The following MID1 variants were observed in gnomAD, a reference collection of about 807,000 sequenced individuals.
The protein encoded by MID1 is midline 1, also known as E3 ubiquitin-protein ligase Midline-1.
A neutral mutation model predicts 40.4 loss-of-function variants in MID1; 7 were observed. The ratio of observed to expected loss-of-function variants is 0.17; its 90% CI spans 0.10 to 0.33. MID1 has a LOEUF of 0.33. Ranked by LOEUF, MID1 falls within the 10% of genes least tolerant of loss-of-function variation. The pLI, the probability that MID1 is intolerant of heterozygous loss-of-function variation, is 1.00. For synonymous variants in MID1, 229 were observed against 221.2 expected (o/e 1.04, Z -0.31); for missense variants, 367 against 558.5 (o/e 0.66, Z 3.46).
intron 1 of MID1, among the ~76,000 whole-genome samples, chrX:10,669,230 T>TAAAAAAAAAA (rs761817483): frequency 2.1e-5 from 1 of 47,019 alleles, no homozygotes; most frequent in South Asian, 1.4e-3. Context: ...CGTCTCAAAA[T>TAAAAAAAAAA]AAAAAAAAAA....
chrX:10,823,619 T>C (rs1478116754), intron 1 of MID1, among the ~76,000 whole-genome samples: 1 of 111,144 alleles, frequency 9.0e-6, no homozygotes, highest in Non-Finnish European at 1.9e-5. Context: ...GTTGCATGTG[T>C]GTGTGTATGT....
At chrX:10,707,564 A>G (rs974452789) in intron 1 of MID1, among the ~76,000 whole-genome samples, 5 of 112,499 alleles carry the variant, frequency 4.4e-5, no homozygotes, top group African/African-American at 1.6e-4. Context: ...GATTGATAAA[A>G]TCAGAAATAT....
chrX:10,745,716 A>C (rs1392060342), intron 1 of MID1, among the ~76,000 whole-genome samples: 4 of 112,557 alleles, frequency 3.6e-5, no homozygotes, highest in African/African-American at 1.3e-4. Flanking sequence ...GTGTGTTTAC[A>C]GCACTTTTGG....
At chrX:10,613,732 T>TAG (rs1163813461) in intron 1 of MID1, among the ~76,000 whole-genome samples, 425 of 17,442 alleles carry the variant, frequency 0.024, 16 homozygotes, top group Middle Eastern at 0.067. Context: ...TATATATATA[T>TAG]AGAGAGAGAG....
intron 1 of MID1, among the ~76,000 whole-genome samples, chrX:10,773,780 T>C (rs1172973636): frequency 8.9e-6 from 1 of 112,129 alleles, no homozygotes; most frequent in African/African-American, 3.2e-5. Flanking sequence ...AGAGTCAAGT[T>C]GATATAGGCC....
chrX:10,462,492 A>G (rs143843372), intron 7 of MID1, among the ~76,000 whole-genome samples: 252 of 111,772 alleles, frequency 2.3e-3, no homozygotes, highest in Non-Finnish European at 4.3e-3. Flanking sequence ...AAACACCCAC[A>G]CAACCATCCT....
At chrX:10,712,185 T>A (rs1343177711) in intron 1 of MID1, among the ~76,000 whole-genome samples, 1 of 111,145 alleles carries the variant, frequency 9.0e-6, no homozygotes, top group Admixed American at 9.6e-5. Flanking sequence ...CAGGTGACCA[T>A]CAGGTGATGG....
chrX:10,516,589 T>C (rs1229303553), intron 3 of MID1, among the ~76,000 whole-genome samples: 1 of 86,170 alleles, frequency 1.2e-5, no homozygotes, highest in Non-Finnish European at 2.1e-5. Flanking sequence ...TGTGTGTGTG[T>C]GTGTGTGTGT....
chrX:10,786,299 A>G (rs2043882976), intron 1 of MID1, among the ~76,000 whole-genome samples: 1 of 110,729 alleles, frequency 9.0e-6, no homozygotes, highest in Non-Finnish European at 1.9e-5. Context: ...AATGGCAATC[A>G]TTAAAAAGTC....
At chrX:10,621,908 G>A (rs912375533), upstream of MID1, among the ~76,000 whole-genome samples, 3 of 104,022 alleles carry the variant, frequency 2.9e-5, no homozygotes, top group East Asian at 3.0e-4. Context: ...CCTGTGCACT[G>A]TAAGATGTGT....
At chrX:10,784,649 T>C (rs1463067304) in intron 1 of MID1, among the ~76,000 whole-genome samples, 1 of 109,491 alleles carries the variant, frequency 9.1e-6, no homozygotes, top group African/African-American at 3.3e-5. Flanking sequence ...TTTCACCATA[T>C]TGACCAGGCT....
chrX:10,725,921 C>G (rs1027516745), intron 1 of MID1, among the ~76,000 whole-genome samples: 10 of 112,078 alleles, frequency 8.9e-5, no homozygotes, highest in African/African-American at 3.2e-4. Flanking sequence ...AGACAATAAA[C>G]TTGGCTGAGT....
intron 8 of MID1, among the ~76,000 whole-genome samples, chrX:10,456,007 A>T (rs1307388659): frequency 8.9e-6 from 1 of 112,527 alleles, no homozygotes; most frequent in Non-Finnish European, 1.9e-5. Flanking sequence ...GTTTAAAGGC[A>T]GGAAATGCAT....
At chrX:10,464,723 G>C (rs1398019116) in intron 7 of MID1, among the ~76,000 whole-genome samples, 1 of 111,930 alleles carries the variant, frequency 8.9e-6, no homozygotes, top group Non-Finnish European at 1.9e-5. Flanking sequence ...AAGATCAGCA[G>C]GGCTTCCTAG....
intron 4 of MID1, among the ~76,000 whole-genome samples, chrX:10,488,508 G>A (rs938022543): frequency 9.8e-5 from 11 of 111,956 alleles, no homozygotes; most frequent in African/African-American, 3.3e-4. Context: ...TAGTAGGTAG[G>A]AAGCAGTATC....
intron 1 of MID1, among the ~76,000 whole-genome samples, chrX:10,774,805 C>G (rs1157940193): frequency 9.0e-6 from 1 of 111,330 alleles, no homozygotes; most frequent in Non-Finnish European, 1.9e-5. Flanking sequence ...TAGTCAAAGT[C>G]TTTCGTCAAA....
chrX:10,605,195 T>C lies in MID1; in HGVS notation c.-57+15095A>G, dbSNP rs2428596. Among the ~76,000 whole-genome samples, 952 of 112,399 alleles carry C rather than the reference T, an allele frequency of 8.5e-3. 5 individuals are homozygous for C. Among genetic ancestry groups the C allele is most frequent in the South Asian group, 0.031 (84 of 2,720 alleles). ...AGAATAACATGGCTTCTTTAAAATA[T>C]AGTTTGTCAGGCAATTTTGGAAATT... On this transcript the variant is annotated intron_variant, in intron 1 of 9. Transcript: ENST00000317552.
At chrX:10,516,751 G>T (rs1932467247) in intron 3 of MID1, among the ~76,000 whole-genome samples, 1 of 110,776 alleles carries the variant, frequency 9.0e-6, no homozygotes, top group African/African-American at 3.3e-5. Flanking sequence ...TTGTTACTGG[G>T]ATTACAGGCG....
At chrX:10,598,490 G>T (rs1446273702) in intron 1 of MID1, among the ~76,000 whole-genome samples, 2 of 112,097 alleles carry the variant, frequency 1.8e-5, no homozygotes, top group Non-Finnish European at 3.8e-5. Flanking sequence ...GAGCACAGTT[G>T]ATGTTAGAAA....
Sources: allele counts gnomAD v4.1 joint callset (sites outside exome capture counted in the v4.1 genomes callset), GRCh38; gene constraint gnomAD v4.1.1; transcripts MANE v1.5; gene names NCBI Gene and HGNC (gene_info 2026-07-23, HGNC 2026-07-21).